Variants in WDR7 observed in about 807,000 individuals in gnomAD.
WDR7 encodes the protein WD repeat domain 7, also known as WD repeat-containing protein 7.
In WDR7, 46 loss-of-function variants were observed where a neutral mutation model predicts 169.4. The ratio of observed to expected loss-of-function variants is 0.27; its 90% CI spans 0.21 to 0.35. WDR7 has a LOEUF of 0.35. Among genes scored for constraint, WDR7 ranks in the 10% least tolerant of loss-of-function variants. WDR7 has a pLI of 1.00. For missense variants in WDR7, 1,534 were observed against 1,859.3 expected (o/e 0.83, Z 3.22); for synonymous variants, 612 against 666.8 (o/e 0.92, Z 1.27).
intron 20 of WDR7, among the ~76,000 whole-genome samples, chr18:56,855,924 T>A (rs533854960): frequency 6.6e-6 from 1 of 152,244 alleles, no homozygotes; most frequent in South Asian, 2.1e-4. Context: ...CTGCTCTTTG[T>A]AAGTAAATGT....
chr18:56,684,457 C>G (rs1000916291), intron 5 of WDR7, among the ~76,000 whole-genome samples: 1 of 152,184 alleles, frequency 6.6e-6, no homozygotes, highest in Non-Finnish European at 1.5e-5. Flanking sequence ...GTGATTGAGC[C>G]TGGCTGTGTT....
intron 20 of WDR7, among the ~76,000 whole-genome samples, chr18:56,821,512 A>G (rs1376345330): frequency 1.3e-5 from 2 of 152,180 alleles, no homozygotes; most frequent in Admixed American, 6.5e-5. Context: ...TCTCAAAGTA[A>G]CACATTAAAC....
intron 19 of WDR7, among the ~76,000 whole-genome samples, chr18:56,785,517 C>T (rs947941164): frequency 1.3e-5 from 2 of 152,122 alleles, no homozygotes; most frequent in African/African-American, 2.4e-5. Context: ...GTCTAAGAGT[C>T]CTTTTCTTAC....
At chr18:56,701,061 G>A (rs1202065250) in intron 12 of WDR7, among the ~76,000 whole-genome samples, 1 of 152,304 alleles carries the variant, frequency 6.6e-6, no homozygotes, top group South Asian at 2.1e-4. Context: ...GTTCTGAAGG[G>A]TTATTGAGAA....
At chr18:56,859,305 A>G (rs1416591867) in intron 20 of WDR7, among the ~76,000 whole-genome samples, 1 of 152,038 alleles carries the variant, frequency 6.6e-6, no homozygotes, top group East Asian at 1.9e-4. Context: ...ACCTTAGTAT[A>G]CCTAATTTTT....
At chr18:56,715,920 A>G (rs1248936878) in intron 12 of WDR7, among the ~76,000 whole-genome samples, 1 of 152,158 alleles carries the variant, frequency 6.6e-6, no homozygotes, top group African/African-American at 2.4e-5. Context: ...TTATAAAATG[A>G]ATAATGGATA....
intron 20 of WDR7, among the ~76,000 whole-genome samples, chr18:56,843,846 CT>C (rs1172746689): frequency 6.8e-6 from 1 of 146,490 alleles, no homozygotes; most frequent in East Asian, 2.0e-4. Context: ...TCGATATTTT[CT>C]TTTTTCTTTC....
chr18:56,901,189 CAGG>C (rs904228846), intron 21 of WDR7, among the ~76,000 whole-genome samples: 4 of 152,094 alleles, frequency 2.6e-5, no homozygotes, highest in African/African-American at 9.7e-5. Context: ...TGCTTGAGGC[CAGG>C]AGTTTAACAC....
intron 14 of WDR7, among the ~76,000 whole-genome samples, chr18:56,735,010 T>A (rs1366123742): frequency 6.6e-6 from 1 of 152,176 alleles, no homozygotes; most frequent in Non-Finnish European, 1.5e-5. Context: ...GGATGTAATT[T>A]AATGGGTGCT....
intron 16 of WDR7, among the ~76,000 whole-genome samples, chr18:56,768,179 G>A (rs1025750148): frequency 5.9e-5 from 9 of 152,066 alleles, no homozygotes; most frequent in African/African-American, 1.9e-4. Context: ...TTTAAAGTTC[G>A]AATACTTTAA....
At chr18:57,009,761 A>C in intron 26 of WDR7, 1 of 748,334 alleles carries the variant, frequency 1.3e-6, no homozygotes, top group Non-Finnish European at 1.6e-6. Context: ...AAAATGTTAA[A>C]TACTTTTGAA....
intron 26 of WDR7, among the ~76,000 whole-genome samples, chr18:56,983,180 G>A (rs916000366): frequency 9.9e-5 from 15 of 152,194 alleles, no homozygotes; most frequent in Admixed American, 4.6e-4. Context: ...TTTTCATTTC[G>A]GACTTGTCAT....
At chr18:56,746,924 AG>A (rs2043713916) in intron 14 of WDR7, among the ~76,000 whole-genome samples, 2 of 152,188 alleles carry the variant, frequency 1.3e-5, no homozygotes, top group South Asian at 4.1e-4. Context: ...GACATTACCA[AG>A]TGTCCGTTGG....
At chr18:56,857,580 C>T (rs114053874) in intron 20 of WDR7, among the ~76,000 whole-genome samples, 135 of 152,250 alleles carry the variant, frequency 8.9e-4, no homozygotes, top group African/African-American at 3.0e-3. Context: ...TTTACGTACA[C>T]GCCTATGCAT....
chr18:56,691,447 G>A (rs960376255), intron 8 of WDR7, 86 bp downstream of exon 8: 5 of 1,367,400 alleles, frequency 3.7e-6, no homozygotes, highest in Non-Finnish European at 3.9e-6. Context: ...GAAAATGTAT[G>A]TATTATAAAT....
Position 56,675,501 on chromosome 18 carries a change from T to A in WDR7, c.159+2827T>A, listed in dbSNP as rs144415118. On this transcript the variant is annotated intron_variant, in intron 2 of 27. Coordinates refer to ENST00000254442, the MANE Select transcript of WDR7 (RefSeq NM_015285.3). ...TATAGAATTTTTCCATTTATTTTAT[T>A]TTCAGATTTTTCATTGCTGGTGTAT... is the stretch of plus-strand genomic sequence containing the variant. Among the ~76,000 whole-genome samples the A allele has an allele frequency of 4.3e-3, 652 of 152,214 alleles. 2 individuals are homozygous for A. Among genetic ancestry groups the A allele is most frequent in the African/African-American group, 0.015 (611 of 41,534 alleles).
intron 21 of WDR7, among the ~76,000 whole-genome samples, chr18:56,920,909 T>C (rs2046708514): frequency 6.6e-6 from 1 of 152,156 alleles, no homozygotes; most frequent in Non-Finnish European, 1.5e-5. Context: ...CTGTGTCATA[T>C]GGAATTATAA....
chr18:56,975,975 T>C (rs374915605), intron 26 of WDR7, among the ~76,000 whole-genome samples: 10 of 152,192 alleles, frequency 6.6e-5, no homozygotes, highest in African/African-American at 2.2e-4. Context: ...GCTGAATGCC[T>C]GGCGTTACTT....
intron 9 of WDR7, among the ~76,000 whole-genome samples, 199 bp from the exon 10 acceptor site, chr18:56,694,420 A>G (rs1014147220): frequency 2.0e-5 from 3 of 152,206 alleles, no homozygotes; most frequent in Admixed American, 2.0e-4. Flanking sequence ...TGTGTGTTAT[A>G]CTAGATTAGA....
Sources: gnomAD v4.1 joint callset for allele counts (sites outside exome capture counted in the v4.1 genomes callset) on GRCh38, gnomAD v4.1.1 for gene constraint, MANE v1.5 for transcripts, NCBI Gene and HGNC (gene_info 2026-07-23, HGNC 2026-07-21) for gene names.